NEK1: variants seen among roughly 807,000 people sequenced by gnomAD.
NEK1 encodes serine/threonine-protein kinase Nek1.
A neutral mutation model predicts 182.1 loss-of-function variants in NEK1; 137 were observed. The observed-to-expected ratio is 0.75, with a 90% CI of 0.65 to 0.87. NEK1 has a LOEUF of 0.87. Ranked by LOEUF, NEK1 falls within the 40% of genes least tolerant of loss-of-function variation. NEK1 has a pLI of 0.00. For synonymous variants in NEK1, 513 were observed against 492.2 expected (o/e 1.04, Z -0.56); for missense variants, 1,391 against 1,494.4 (o/e 0.93, Z 1.14).
intron 32 of NEK1, among the ~76,000 whole-genome samples, chr4:169,405,096 G>C (rs533946163): frequency 6.6e-6 from 1 of 152,320 alleles, no homozygotes; most frequent in East Asian, 1.9e-4. Flanking sequence ...GGAAACTGTA[G>C]AGCACAGTCA....
chr4:169,549,002 G>A (rs59189423), intron 18 of NEK1, among the ~76,000 whole-genome samples: 14,667 of 152,180 alleles, frequency 0.096, 788 homozygotes, highest in East Asian at 0.17. Context: ...GGTGTTCCAG[G>A]TGCCACTAGG....
intron 31 of NEK1, 21 bp downstream of exon 31, chr4:169,424,532 C>A: frequency 6.5e-7 from 1 of 1,540,224 alleles, no homozygotes; most frequent in Admixed American, 2.0e-5. Flanking sequence ...ATAATATTTT[C>A]CACTTGAGGA....
chr4:169,428,840 A>G (rs1736900787), intron 29 of NEK1, among the ~76,000 whole-genome samples: 1 of 152,142 alleles, frequency 6.6e-6, no homozygotes, highest in Non-Finnish European at 1.5e-5. Context: ...TTAAATTTAC[A>G]TGCTAATCTA....
intron 19 of NEK1, among the ~76,000 whole-genome samples, chr4:169,536,911 T>C (rs1758598698): frequency 1.3e-5 from 2 of 152,188 alleles, no homozygotes; most frequent in African/African-American, 4.8e-5. Context: ...TTTAAGTATC[T>C]GTGTTAACAA....
chr4:169,545,563 C>A (rs1208114669), intron 18 of NEK1, among the ~76,000 whole-genome samples: 1 of 148,840 alleles, frequency 6.7e-6, no homozygotes, highest in Non-Finnish European at 1.5e-5. Flanking sequence ...TGGGTATATA[C>A]CCAGTAATGG....
At chr4:169,409,069 A>G (rs922996877) in intron 31 of NEK1, among the ~76,000 whole-genome samples, 2 of 152,162 alleles carry the variant, frequency 1.3e-5, no homozygotes, top group Admixed American at 1.3e-4. Flanking sequence ...TAGTGGTTGT[A>G]CTAATTTACA....
intron 18 of NEK1, among the ~76,000 whole-genome samples, chr4:169,547,388 C>G (rs1760679256): frequency 6.6e-6 from 1 of 152,178 alleles, no homozygotes; most frequent in Non-Finnish European, 1.5e-5. Flanking sequence ...TGACCTTTCT[C>G]TCTGGTGGCT....
chr4:169,494,347 T>G (rs1262738756), intron 23 of NEK1, among the ~76,000 whole-genome samples: 1 of 152,010 alleles, frequency 6.6e-6, no homozygotes, highest in Non-Finnish European at 1.5e-5. Context: ...GAACATGCAG[T>G]GTTTGGTTTT....
At chr4:169,433,761 G>T in intron 28 of NEK1, 96 bp from the exon 29 acceptor site, 1 of 1,231,436 alleles carries the variant, frequency 8.1e-7, no homozygotes, top group Non-Finnish European at 1.1e-6. Context: ...CCTAGTTTTA[G>T]GGTAATATAT....
At chr4:169,543,230 TTTA>T (rs1470424582) in intron 18 of NEK1, among the ~76,000 whole-genome samples, 2 of 152,164 alleles carry the variant, frequency 1.3e-5, no homozygotes, top group African/African-American at 4.8e-5. Flanking sequence ...CCCAACACCA[TTTA>T]TTAAATAGGG....
intron 27 of NEK1, among the ~76,000 whole-genome samples, chr4:169,457,594 A>G (rs1743134007): frequency 6.6e-6 from 1 of 150,962 alleles, no homozygotes; most frequent in African/African-American, 2.4e-5. Context: ...GCTGTTAGAA[A>G]AAAGAAAGAA....
intron 23 of NEK1, among the ~76,000 whole-genome samples, chr4:169,482,433 T>C (rs1231858590): frequency 2.0e-5 from 3 of 152,004 alleles, no homozygotes; most frequent in African/African-American, 2.4e-5. Flanking sequence ...GTTGGGACTA[T>C]AGGTGTGTGC....
chr4:169,600,274 C>T (rs1269836904), intron 4 of NEK1, among the ~76,000 whole-genome samples: 4 of 151,976 alleles, frequency 2.6e-5, no homozygotes, highest in African/African-American at 4.8e-5. Context: ...ACTGTAGCCT[C>T]GACCTCCCGA....
chr4:169,464,321 A>G (rs556432791), intron 26 of NEK1, among the ~76,000 whole-genome samples: 1 of 152,286 alleles, frequency 6.6e-6, no homozygotes, highest in Non-Finnish European at 1.5e-5. Context: ...CTGGATTTTG[A>G]TTAAAAGGTT....
intron 31 of NEK1, among the ~76,000 whole-genome samples, chr4:169,422,294 G>T (rs546976263): frequency 5.3e-5 from 8 of 152,264 alleles, no homozygotes; most frequent in Admixed American, 2.0e-4. Flanking sequence ...AGAGAAATGG[G>T]GTCGTAGGTA....
rs544661841 is a variant in NEK1 at position 169,591,724 on chromosome 4, T to C, written c.313-915A>G. Among the ~76,000 whole-genome samples, 19 of 152,236 alleles carry C rather than the reference T, an allele frequency of 1.2e-4. No individual in the cohort carries two copies. The South Asian group carries it at 1.9e-3, about 15-fold the overall frequency. On this transcript the variant is annotated intron_variant, in intron 5 of 35. Coordinates refer to ENST00000507142, the MANE Select transcript of NEK1 (RefSeq NM_001199397.3). ...AACATAGGTTAATTATCTGTAATAA[T>C]TGACTAAAGCAGGACTTTCAAAACA...
chr4:169,502,542 G>C (rs1425894309), intron 23 of NEK1, among the ~76,000 whole-genome samples: 1 of 152,032 alleles, frequency 6.6e-6, no homozygotes, highest in Non-Finnish European at 1.5e-5. Context: ...GTATGATCAA[G>C]TGAGCCTTAT....
chr4:169,402,749 AG>A (rs1341857027), intron 32 of NEK1, among the ~76,000 whole-genome samples: 1 of 152,230 alleles, frequency 6.6e-6, no homozygotes, highest in Non-Finnish European at 1.5e-5. Flanking sequence ...AAGGCCACAT[AG>A]TCAGTAAATG....
intron 23 of NEK1, among the ~76,000 whole-genome samples, chr4:169,496,718 G>C (rs376007658): frequency 6.9e-6 from 1 of 144,638 alleles, no homozygotes; most frequent in Non-Finnish European, 1.5e-5. Flanking sequence ...ATTGATTTGC[G>C]TATGTTGAAC....
Sources: allele counts gnomAD v4.1 joint callset (sites outside exome capture counted in the v4.1 genomes callset), GRCh38; gene constraint gnomAD v4.1.1; transcripts MANE v1.5; gene names NCBI Gene and HGNC (gene_info 2026-07-23, HGNC 2026-07-21).